NALF1: variants seen among roughly 807,000 people sequenced by gnomAD.
NALF1 encodes the protein family with sequence similarity 155 member A.
Under a neutral mutation model 48.4 loss-of-function variants are expected in NALF1, and 3 were observed. That is an observed-to-expected ratio of 0.06 (90% CI 0.03 to 0.16). The LOEUF (loss-of-function observed/expected upper bound fraction) is 0.16, where lower values mean the gene tolerates loss of function less well. NALF1 is among the 10% of genes least tolerant of loss of function. The pLI, the probability that NALF1 is intolerant of heterozygous loss-of-function variation, is 1.00. For missense variants in NALF1, 526 were observed against 571.5 expected (o/e 0.92, Z 0.81); for synonymous variants, 262 against 245.7 (o/e 1.07, Z -0.62).
chr13:107,604,643 A>T (rs892188152), intron 1 of NALF1, among the ~76,000 whole-genome samples: 12 of 152,160 alleles, frequency 7.9e-5, no homozygotes, highest in Non-Finnish European at 1.8e-4. Flanking sequence ...GAAGAGGGAG[A>T]ATATGGCATG....
At chr13:107,483,597 A>G (rs1885285692) in intron 1 of NALF1, among the ~76,000 whole-genome samples, 1 of 152,094 alleles carries the variant, frequency 6.6e-6, no homozygotes, top group African/African-American at 2.4e-5. Context: ...ACTTCAGATT[A>G]TTTTAGAATA....
At chr13:107,493,543 G>A (rs935037119) in intron 1 of NALF1, among the ~76,000 whole-genome samples, 2 of 152,166 alleles carry the variant, frequency 1.3e-5, no homozygotes, top group African/African-American at 4.8e-5. Context: ...AAATAAAGAA[G>A]TTTACAGTTC....
chr13:107,507,622 A>C lies in NALF1; in HGVS notation c.916-296867T>G, dbSNP rs591587. On this transcript the variant is annotated intron_variant, in intron 1 of 2. Transcript: ENST00000375915. ...AAAAAAAAAAAAAAAAAAAAAAAAA[A>C]GGGGCAAACACACCCAAGACAGTAG... Among the ~76,000 whole-genome samples the C allele has an allele frequency of 5.4e-5, 7 of 129,104 alleles. No individual in the cohort carries two copies. In the South Asian group the frequency reaches 1.8e-3, roughly 33 times the overall value. 84.7% of individuals were successfully genotyped at this position (129,104 alleles called of 152,430 possible).
chr13:107,456,191 A>T (rs1490808172), intron 1 of NALF1, among the ~76,000 whole-genome samples: 1 of 152,158 alleles, frequency 6.6e-6, no homozygotes. Context: ...GAATTTGACA[A>T]GTTCAGGCTT....
chr13:107,470,049 G>T lies in NALF1; in HGVS notation c.916-259294C>A, dbSNP rs185321958. On this transcript the variant is annotated intron_variant, in intron 1 of 2. Transcript: ENST00000375915. Reference sequence around the variant, plus strand: ...TGAGCCACCACGCCCGACCAACTATGTATCTTTTTAATCAAGATAAGTTTA... The same window carrying T: ...TGAGCCACCACGCCCGACCAACTATTTATCTTTTTAATCAAGATAAGTTTA... Among the ~76,000 whole-genome samples the T allele has an allele frequency of 7.2e-5, 11 of 152,142 alleles. No individual in the cohort carries two copies. The East Asian group carries it at 2.1e-3, about 29-fold the overall frequency.
chr13:107,267,252 A>C (rs902803723), intron 1 of NALF1, among the ~76,000 whole-genome samples: 1 of 152,180 alleles, frequency 6.6e-6, no homozygotes, highest in African/African-American at 2.4e-5. Flanking sequence ...GTTAATGTAA[A>C]GCTTACAGCC....
chr13:107,453,275 G>A (rs572022890), intron 1 of NALF1, among the ~76,000 whole-genome samples: 25 of 152,144 alleles, frequency 1.6e-4, no homozygotes, highest in Non-Finnish European at 2.8e-4. Flanking sequence ...TGAGGGCTCC[G>A]CCCCTTCAAT....
chr13:107,663,779 T>C (rs1880786820), intron 1 of NALF1, among the ~76,000 whole-genome samples: 1 of 152,166 alleles, frequency 6.6e-6, no homozygotes, highest in African/African-American at 2.4e-5. Context: ...ATTTTCACAA[T>C]TGATCCCTTC....
At chr13:107,422,932 A>C (rs549913401) in intron 1 of NALF1, among the ~76,000 whole-genome samples, 9 of 152,308 alleles carry the variant, frequency 5.9e-5, no homozygotes, top group Non-Finnish European at 1.0e-4. Flanking sequence ...TGGGAAGGCA[A>C]GGAAATGAAT....
chr13:107,765,726 C>T (rs916059508), intron 1 of NALF1, among the ~76,000 whole-genome samples: 1 of 152,012 alleles, frequency 6.6e-6, no homozygotes, highest in Non-Finnish European at 1.5e-5. Context: ...TTTATGAAAC[C>T]TGGTCTCACT....
intron 1 of NALF1, among the ~76,000 whole-genome samples, chr13:107,420,834 ATT>A (rs1186160731): frequency 6.6e-6 from 1 of 152,164 alleles, no homozygotes; most frequent in East Asian, 1.9e-4. Context: ...CCATTAATTA[ATT>A]TCTCACTTTC....
intron 1 of NALF1, among the ~76,000 whole-genome samples, chr13:107,689,505 G>A (rs1594208666): frequency 6.6e-6 from 1 of 152,102 alleles, no homozygotes; most frequent in Non-Finnish European, 1.5e-5. Flanking sequence ...ATTATACCTT[G>A]GTTATATGGA....
intron 1 of NALF1, among the ~76,000 whole-genome samples, chr13:107,526,650 C>A (rs897681167): frequency 6.6e-6 from 1 of 151,938 alleles, no homozygotes; most frequent in Non-Finnish European, 1.5e-5. Context: ...GCTGTTTTAT[C>A]AATATAATTG....
At chr13:107,779,915 G>A (rs929206210) in intron 1 of NALF1, among the ~76,000 whole-genome samples, 1 of 152,044 alleles carries the variant, frequency 6.6e-6, no homozygotes, top group African/African-American at 2.4e-5. Context: ...GTTAAAGTAC[G>A]CTTCCTGGTC....
At chr13:107,461,109 A>G (rs1884911681) in intron 1 of NALF1, among the ~76,000 whole-genome samples, 1 of 152,180 alleles carries the variant, frequency 6.6e-6, no homozygotes, top group African/African-American at 2.4e-5. Flanking sequence ...AAAAGAACCC[A>G]TAAAACAAAA....
At chr13:107,804,056 T>C (rs886448928) in intron 1 of NALF1, among the ~76,000 whole-genome samples, 6 of 152,280 alleles carry the variant, frequency 3.9e-5, no homozygotes, top group African/African-American at 1.2e-4. Flanking sequence ...AGTGTCACAA[T>C]TGTGTCCTCT....
intron 1 of NALF1, among the ~76,000 whole-genome samples, chr13:107,308,053 G>C (rs1182621100): frequency 1.3e-5 from 2 of 151,990 alleles, no homozygotes; most frequent in Non-Finnish European, 2.9e-5. Flanking sequence ...TATGTCATGT[G>C]ACACCCTTAG....
rs146032208 is a variant in NALF1, at chr13:107,418,616, T to G, written c.916-207861A>C. ...GTGTGTTACATGGGTAAATTGCATG[T>G]CAGTGAGGTTTGGGGTACAAATGAT... is the stretch of plus-strand genomic sequence containing the variant. On this transcript the variant is annotated intron_variant, in intron 1 of 2. Transcript: ENST00000375915. 3.1e-3 allele frequency among the ~76,000 whole-genome samples: 466 copies of G among 152,286 alleles called. 3 individuals carry two copies. The highest frequency in any genetic ancestry group is 0.011 in the African/African-American group (443 of 41,566).
Position 107,228,986 on chromosome 13 carries a change from C to T in NALF1, c.916-18231G>A, listed in dbSNP as rs147320232. On this transcript the variant is annotated intron_variant, in intron 1 of 2. Transcript: ENST00000375915. Reference sequence around the variant, plus strand: ...TGCATGAAAAACCCTCCATTTCAATCATTATGGTTCTCTTCGTAAAACCGA... The same window carrying T: ...TGCATGAAAAACCCTCCATTTCAATTATTATGGTTCTCTTCGTAAAACCGA... Among the ~76,000 whole-genome samples the T allele has an allele frequency of 3.3e-3, 507 of 152,088 alleles. 6 individuals are homozygous for T. Among genetic ancestry groups the T allele is most frequent in the African/African-American group, 0.011 (471 of 41,494 alleles).
Sources: allele counts gnomAD v4.1 joint callset (sites outside exome capture counted in the v4.1 genomes callset), GRCh38; gene constraint gnomAD v4.1.1; transcripts MANE v1.5; gene names NCBI Gene and HGNC (gene_info 2026-07-23, HGNC 2026-07-21).